Variants in UBE2D3 observed in about 807,000 individuals in gnomAD.
The protein encoded by UBE2D3 is ubiquitin conjugating enzyme E2 D3.
Under a neutral mutation model 22.8 loss-of-function variants are expected in UBE2D3, and 2 were observed. That is an observed-to-expected ratio of 0.09 (90% CI 0.04 to 0.28). The LOEUF (loss-of-function observed/expected upper bound fraction) is 0.28. Among genes scored for constraint, UBE2D3 ranks in the 10% least tolerant of loss-of-function variants. The probability of loss-of-function intolerance (pLI) is 1.00; values close to 1 mark genes in which losing one functional copy is unlikely to be tolerated. For synonymous variants in UBE2D3, 56 were observed against 60.4 expected (o/e 0.93, Z 0.34); for missense variants, 27 against 182.5 (o/e 0.15, Z 4.91).
chr4:102,823,953 T>C (rs1177351015), intron 2 of UBE2D3, among the ~76,000 whole-genome samples: 2 of 152,202 alleles, frequency 1.3e-5, no homozygotes, highest in East Asian at 3.8e-4. Flanking sequence ...AACACAAGCA[T>C]ACCATACTGA....
rs772605487 is a variant in UBE2D3, at chr4:102,826,526, T to C, written c.-18A>G. On this transcript the variant is annotated 5_prime_UTR_variant, in exon 2 of 8. Transcript: ENST00000453744. ...AGCGCCATAGTGTGTGCTTGTCGTCTGGCTCCTCACTCTCTCGGTGTATGC... is the reference window on the plus strand; with the variant it reads ...AGCGCCATAGTGTGTGCTTGTCGTCCGGCTCCTCACTCTCTCGGTGTATGC... The C allele has an allele frequency of 6.2e-7, 1 of 1,613,334 alleles. No homozygotes were observed. The highest frequency in any genetic ancestry group is 8.5e-7 in the Non-Finnish European group (1 of 1,179,988).
At chr4:102,797,695 T>C (rs2110239176) in intron 7 of UBE2D3, among the ~76,000 whole-genome samples, 1 of 152,096 alleles carries the variant, frequency 6.6e-6, no homozygotes, top group South Asian at 2.1e-4. Flanking sequence ...AAAGCAGCAC[T>C]GAAAATTGGG....
intron 1 of UBE2D3, among the ~76,000 whole-genome samples, chr4:102,846,752 A>T (rs1159041680): frequency 6.6e-6 from 1 of 151,778 alleles, no homozygotes; most frequent in Non-Finnish European, 1.5e-5. Flanking sequence ...TGATCCTCCC[A>T]CCTCAACCTT....
chr4:102,802,309 T>C (rs754523771), intron 5 of UBE2D3: 4 of 296,212 alleles, frequency 1.4e-5, no homozygotes, highest in Non-Finnish European at 2.5e-5. Flanking sequence ...GTAACAATAA[T>C]ACAGATGAGG....
At chr4:102,798,667 G>GA (rs76718624) in intron 7 of UBE2D3, among the ~76,000 whole-genome samples, 5,666 of 140,192 alleles carry the variant, frequency 0.04, 262 homozygotes, top group African/African-American at 0.12. Context: ...ATGATAGTTT[G>GA]AAAAAAAAAA....
At chr4:102,850,901 G>T (rs377046275) in intron 1 of UBE2D3, among the ~76,000 whole-genome samples, 51 of 151,772 alleles carry the variant, frequency 3.4e-4, no homozygotes, top group East Asian at 1.4e-3. Flanking sequence ...AAAGGCTTAA[G>T]AATGATACAG....
intron 7 of UBE2D3, chr4:102,798,925 T>A: frequency 6.2e-7 from 1 of 1,611,820 alleles, no homozygotes; most frequent in Non-Finnish European, 8.5e-7. Context: ...CAGATCCTCT[T>A]ACCCTACAAC....
intron 7 of UBE2D3, 41 bp downstream of exon 7, chr4:102,799,363 CATT>C (rs755480523): frequency 6.7e-7 from 1 of 1,502,164 alleles, no homozygotes; most frequent in South Asian, 1.1e-5. Flanking sequence ...AAGCCTAACT[CATT>C]AAGTAAAACC....
intron 7 of UBE2D3, among the ~76,000 whole-genome samples, chr4:102,798,272 A>G (rs1402176005): frequency 7.0e-6 from 1 of 142,612 alleles, no homozygotes. Context: ...GATAACCTTA[A>G]GAAATGAATA....
intron 2 of UBE2D3, among the ~76,000 whole-genome samples, chr4:102,819,316 C>G (rs964605002): frequency 1.4e-5 from 2 of 142,594 alleles, no homozygotes; most frequent in African/African-American, 5.4e-5. Flanking sequence ...GGCAGCTGAC[C>G]AAGACTCCGC....
intron 1 of UBE2D3, among the ~76,000 whole-genome samples, chr4:102,837,717 C>T (rs1731489276): frequency 1.3e-5 from 2 of 152,080 alleles, no homozygotes; most frequent in African/African-American, 2.4e-5. Flanking sequence ...TTTGGGAGGC[C>T]AAGGCGGGCG....
chr4:102,829,879 C>G (rs1472711823), upstream of UBE2D3, among the ~76,000 whole-genome samples: 2 of 151,902 alleles, frequency 1.3e-5, no homozygotes, highest in Non-Finnish European at 2.9e-5. Context: ...GCGGAGGTTG[C>G]GGTGGGCCAA....
In UBE2D3 at chr4:102,796,649, A is replaced by G. The variant is rs1439963578; in HGVS notation, c.*766T>C. On this transcript the variant is annotated 3_prime_UTR_variant, in exon 8 of 8. Coordinates refer to ENST00000453744, the MANE Select transcript of UBE2D3 (RefSeq NM_181891.3). Reference sequence around the variant, plus strand: ...CAATTACTAGCAGAGCTATTAGTTGATCACTCATCCATTGACAACTTGCAT... The same window carrying G: ...CAATTACTAGCAGAGCTATTAGTTGGTCACTCATCCATTGACAACTTGCAT... The G allele has an allele frequency of 6.6e-6, 1 of 152,492 alleles. No homozygotes were observed. The highest frequency in any genetic ancestry group is 1.5e-5 in the Non-Finnish European group (1 of 67,920). 9.4% of individuals were successfully genotyped at this position (152,492 alleles called of 1,614,324 possible).
At chr4:102,822,760 C>G (rs1315499939) in intron 2 of UBE2D3, among the ~76,000 whole-genome samples, 10 of 37,360 alleles carry the variant, frequency 2.7e-4, no homozygotes, top group East Asian at 5.3e-4. Context: ...ACGGTGAAAC[C>G]CTGCCTCTAC....
At position 102,809,782 on chromosome 4, in the gene UBE2D3, A is replaced by G; in HGVS notation, c.88+10T>C. ...AATTAGGCATAAAAATCAACTTGCA[A>G]GTTACTTACTATCATCCCCAACTGG... On this transcript the variant is annotated intron_variant, in intron 3 of 7. Coordinates refer to ENST00000453744, the MANE Select transcript of UBE2D3 (RefSeq NM_181891.3). The G allele has an allele frequency of 6.2e-7, 1 of 1,613,876 alleles. No homozygotes were observed. Among genetic ancestry groups the G allele is most frequent in the Non-Finnish European group, 8.5e-7 (1 of 1,179,984 alleles).
rs934532025 is a variant in UBE2D3 at position 102,795,798 on chromosome 4, G to A, written c.*1617C>T. 3 of 152,146 alleles carry A rather than the reference G, an allele frequency of 2.0e-5. No homozygotes were observed. Among genetic ancestry groups the A allele is most frequent in the African/African-American group, 7.2e-5 (3 of 41,450 alleles). The allele number at this position is 152,146 out of a possible 1,614,324, so 9.4% of individuals were successfully genotyped here. Reference sequence around the variant, plus strand: ...GTGTAAGCAGTGCAAAAATGTGGAAGTGGAGGAGTCACAGATGTGCTAGAA... The same window carrying A: ...GTGTAAGCAGTGCAAAAATGTGGAAATGGAGGAGTCACAGATGTGCTAGAA... On this transcript the variant is annotated 3_prime_UTR_variant, in exon 8 of 8. Coordinates refer to ENST00000453744, the MANE Select transcript of UBE2D3 (RefSeq NM_181891.3).
upstream of UBE2D3, chr4:102,868,883 G>A: frequency 2.0e-6 from 3 of 1,494,674 alleles, no homozygotes; most frequent in Non-Finnish European, 2.7e-6. Flanking sequence ...CCCGCGCCTC[G>A]GCAGTCCGCC....
chr4:102,828,273 T>G, upstream of UBE2D3: 1 of 985,098 alleles, frequency 1.0e-6, no homozygotes, highest in Non-Finnish European at 1.2e-6. Flanking sequence ...ACCAGATACC[T>G]TTAGTCTAGC....
chr4:102,798,717 G>T (rs375591221), intron 7 of UBE2D3, among the ~76,000 whole-genome samples: 3 of 150,532 alleles, frequency 2.0e-5, no homozygotes, highest in East Asian at 2.0e-4. Flanking sequence ...TAGTGCTATT[G>T]TAACTGCTTT....
Sources: allele counts gnomAD v4.1 joint callset (sites outside exome capture counted in the v4.1 genomes callset), GRCh38; gene constraint gnomAD v4.1.1; transcripts MANE v1.5; gene names NCBI Gene and HGNC (gene_info 2026-07-23, HGNC 2026-07-21).